The following SCYGR3 variants were observed in gnomAD, a reference collection of about 807,000 sequenced individuals.
SCYGR3 encodes the protein small cysteine and glycine repeat containing 3.
At chr2:227,614,567 A>C (rs553556904) in exon 1 of SCYGR3, 38 of 398,732 alleles carry the variant, frequency 9.5e-5, no homozygotes, top group Non-Finnish European at 1.5e-4. Context: ...TGGCAGCAGC[A>C]CTTCTGCTGG....
At chr2:227,614,644 G>A in exon 1 of SCYGR3, 1 of 398,756 alleles carries the variant, frequency 2.5e-6, no homozygotes, top group Admixed American at 4.4e-5. Context: ...GATCACAGGT[G>A]TGCTGCAACA....
At chr2:227,614,707 C>T (rs1262476343) in exon 1 of SCYGR3, 21 of 399,214 alleles carry the variant, frequency 5.3e-5, no homozygotes, top group South Asian at 2.5e-4. Flanking sequence ...GCAGCCCACC[C>T]GGTAGCACCT....
chr2:227,614,830 C>T, exon 1 of SCYGR3: 1 of 405,236 alleles, frequency 2.5e-6, no homozygotes. Context: ...TCCACAACCA[C>T]AGCAGCCCAT....
chr2:227,614,735 C>A (rs1300018799), exon 1 of SCYGR3: 1 of 370,048 alleles, frequency 2.7e-6, no homozygotes, highest in Non-Finnish European at 4.5e-6. Flanking sequence ...GTGCAGCTGC[C>A]ACAGACACCA....
At chr2:227,614,658 TCCACAGCAG>T (rs1693898496) in exon 1 of SCYGR3, 1 of 398,572 alleles carries the variant, frequency 2.5e-6, no homozygotes. Flanking sequence ...TGCAACAGCC[TCCACAGCAG>T]CCGCGGCAGC....
At chr2:227,614,771 C>T (rs1013657785) in exon 1 of SCYGR3, 25 of 406,276 alleles carry the variant, frequency 6.2e-5, no homozygotes, top group South Asian at 1.2e-4. Context: ...CAGCCACCAC[C>T]GCAGCCACCA....
exon 1 of SCYGR3, chr2:227,614,623 C>T (rs572957093): frequency 2.8e-5 from 11 of 398,622 alleles, no homozygotes; most frequent in South Asian, 1.3e-4. Context: ...GCAGGTGCGG[C>T]GGCAGCAGCA....
At position 227,614,669 on chromosome 2, in the gene SCYGR3, C is replaced by T. The variant is rs533014028; in HGVS notation, c.172G>A (p.Gly58Ser). Residue 58 changes from glycine to serine, a missense_variant, in exon 1 of 1, where the codon GGC (glycine) becomes AGC (serine). Transcript: ENST00000642029. ...GTGCTGCAACAGCCTCCACAGCAGC[C>T]GCGGCAGCAGGGGCAGCAGCTGGAG... The T allele has an allele frequency of 2.9e-3, 1,146 of 398,794 alleles. 8 individuals carry two copies. The highest frequency in any genetic ancestry group is 0.021 in the African/African-American group (1,018 of 48,740). 24.7% of individuals were successfully genotyped at this position (398,794 alleles called of 1,614,324 possible). A position where few individuals can be genotyped will look rare whatever the true frequency, so the allele number is the denominator to read the frequency against.
exon 1 of SCYGR3, chr2:227,614,555 TCTGGCAGCAGCACTTCTG>T (rs1559221722): frequency 2.5e-6 from 1 of 398,650 alleles, no homozygotes; most frequent in Non-Finnish European, 4.4e-6. Context: ...CAGCATTGCT[TCTGGCAGCAGCACTTCTG>T]CTGGCAACAG....
chr2:227,614,736 ACAGACACCACCACAGCCACCACCG>A (rs1425867579), exon 1 of SCYGR3: 45 of 370,570 alleles, frequency 1.2e-4, no homozygotes, highest in African/African-American at 5.5e-4. Context: ...TGCAGCTGCC[ACAGACACCACCACAGCCACCACCG>A]CAGCCACCAC....
exon 1 of SCYGR3, chr2:227,614,643 T>A (rs992121397): frequency 3.5e-5 from 14 of 398,618 alleles, no homozygotes; most frequent in Non-Finnish European, 4.9e-5. Flanking sequence ...AGATCACAGG[T>A]GTGCTGCAAC....
At chr2:227,614,772 G>A (rs1024917380) in exon 1 of SCYGR3, 72 of 405,730 alleles carry the variant, frequency 1.8e-4, no homozygotes, top group African/African-American at 4.1e-4. Context: ...AGCCACCACC[G>A]CAGCCACCAC....
exon 1 of SCYGR3, chr2:227,614,803 C>T (rs1222653892): frequency 7.4e-6 from 3 of 407,264 alleles, no homozygotes; most frequent in African/African-American, 4.1e-5. Context: ...ACAGCCACCA[C>T]CACAGCCACC....
Position 227,614,636 on chromosome 2 carries a change from TC to T in SCYGR3, c.204del (p.Ile69SerfsTer?). On this transcript the variant is annotated frameshift_variant, in exon 1 of 1. Transcript: ENST00000642029. LOFTEE classifies it high-confidence loss of function. ...CGGCAGGTGCGGCGGCAGCAGCAGA[TC>T]ACAGGTGTGCTGCAACAGCCTCCAC... 1 of 398,746 alleles carries T rather than the reference TC, an allele frequency of 2.5e-6. No individual in the cohort carries two copies. The highest frequency in any genetic ancestry group is 4.4e-6 in the Non-Finnish European group (1 of 226,184). 24.7% of individuals were successfully genotyped at this position (398,746 alleles called of 1,614,324 possible).
exon 1 of SCYGR3, chr2:227,614,770 C>G: frequency 2.5e-6 from 1 of 406,660 alleles, no homozygotes; most frequent in Non-Finnish European, 4.3e-6. Context: ...GCAGCCACCA[C>G]CGCAGCCACC....
At chr2:227,614,658 T>C (rs6436712) in exon 1 of SCYGR3, 228,865 of 398,624 alleles carry the variant, frequency 0.57, 66,466 homozygotes, top group Non-Finnish European at 0.6. Flanking sequence ...TGCAACAGCC[T>C]CCACAGCAGC....
At chr2:227,614,806 C>T (rs1693902978) in exon 1 of SCYGR3, 1 of 407,302 alleles carries the variant, frequency 2.5e-6, no homozygotes, top group Non-Finnish European at 4.3e-6. Context: ...GCCACCACCA[C>T]AGCCACCACA....
rs1693901325 is a variant in SCYGR3 at position 227,614,762 on chromosome 2, AGCCACCACCG to A, written c.69_78del (p.Gly24AlafsTer42). ...CAGACACCACCACAGCCACCACCGC[AGCCACCACCG>A]CAGCCACCACCGCAGCCACCACAGC... is the stretch of plus-strand genomic sequence containing the variant. On this transcript the variant is annotated frameshift_variant, in exon 1 of 1. Coordinates refer to ENST00000642029, the Ensembl canonical transcript of SCYGR3. LOFTEE classifies it low-confidence loss of function (END_TRUNC). The A allele has an allele frequency of 2.5e-6, 1 of 404,584 alleles. No homozygotes were observed. Among genetic ancestry groups the A allele is most frequent in the African/African-American group, 2.1e-5 (1 of 48,562 alleles). The allele number at this position is 404,584 out of a possible 1,614,324, so 25.1% of individuals were successfully genotyped here. A position where few individuals can be genotyped will look rare whatever the true frequency, so the allele number is the denominator to read the frequency against.
exon 1 of SCYGR3, chr2:227,614,692 G>A (rs1448577334): frequency 2.5e-6 from 1 of 398,912 alleles, no homozygotes; most frequent in Non-Finnish European, 4.4e-6. Flanking sequence ...GCAGCAGCTG[G>A]AGCAGCAGCC....
Sources: gnomAD v4.1 joint callset for allele counts on GRCh38, gnomAD v4.1.1 for gene constraint, MANE v1.5 for transcripts, NCBI Gene and HGNC (gene_info 2026-07-23, HGNC 2026-07-21) for gene names.